Variants in HTRA1 observed in about 807,000 individuals in gnomAD.
HTRA1 encodes serine protease HTRA1.
A neutral mutation model predicts 49.7 loss-of-function variants in HTRA1; 26 were observed. The observed-to-expected ratio is 0.52, with a 90% CI of 0.38 to 0.73. HTRA1 has a LOEUF of 0.73. Among genes scored for constraint, HTRA1 ranks in the 30% least tolerant of loss-of-function variants. The pLI is 0.00. For missense variants in HTRA1, 561 were observed against 667.2 expected (o/e 0.84, Z 1.75); for synonymous variants, 291 against 286.9 (o/e 1.01, Z -0.14).
chr10:122,513,878 C>T (rs1226134842), intron 8 of HTRA1, among the ~76,000 whole-genome samples: 1 of 148,882 alleles, frequency 6.7e-6, no homozygotes, highest in Non-Finnish European at 1.5e-5. Context: ...CAGGTGCCCA[C>T]CACCAAACCT....
At chr10:122,511,852 C>T (rs1472165169) in intron 7 of HTRA1, 118 bp from the exon 8 acceptor site, 1 of 729,744 alleles carries the variant, frequency 1.4e-6, no homozygotes, top group Non-Finnish European at 2.5e-6. Context: ...GATCAGAATT[C>T]CTGGAGGAAT....
intron 3 of HTRA1, among the ~76,000 whole-genome samples, chr10:122,500,331 G>C (rs887134801): frequency 6.6e-6 from 1 of 152,218 alleles, no homozygotes; most frequent in African/African-American, 2.4e-5. Flanking sequence ...CCTGTTGCCT[G>C]TTTGGATCTT....
At chr10:122,475,374 C>T (rs896578894) in intron 1 of HTRA1, among the ~76,000 whole-genome samples, 1 of 152,178 alleles carries the variant, frequency 6.6e-6, no homozygotes, top group Non-Finnish European at 1.5e-5. Context: ...CAAGTCGAGG[C>T]CAGGCTCCCG....
chr10:122,484,302 G>A (rs1027825505), intron 1 of HTRA1, among the ~76,000 whole-genome samples: 2 of 152,212 alleles, frequency 1.3e-5, no homozygotes, highest in African/African-American at 4.8e-5. Context: ...CTGCAGTTCA[G>A]GCTAGGTTAT....
In HTRA1 at chr10:122,514,396, G is replaced by A. The variant is rs1485685980; in HGVS notation, c.*37G>A. On this transcript the variant is annotated 3_prime_UTR_variant, in exon 9 of 9. Coordinates refer to ENST00000368984, the MANE Select transcript of HTRA1 (RefSeq NM_002775.5). ...AGCTGGACTTCATGTTTCCCTCAAA[G>A]ACTCTCCCGTGGATGACGGATGAGG... The A allele has an allele frequency of 1.1e-5, 18 of 1,604,668 alleles. No individual in the cohort carries two copies. The highest frequency in any genetic ancestry group is 1.5e-5 in the Non-Finnish European group (18 of 1,171,794).
chr10:122,480,009 A>G (rs1000134846), intron 1 of HTRA1, among the ~76,000 whole-genome samples: 3 of 152,096 alleles, frequency 2.0e-5, no homozygotes, highest in Non-Finnish European at 4.4e-5. Context: ...GGGAGACGGA[A>G]ACGCAGGTGA....
At chr10:122,508,932 A>G (rs1196916607) in intron 6 of HTRA1, among the ~76,000 whole-genome samples, 162 bp downstream of exon 6, 1 of 152,224 alleles carries the variant, frequency 6.6e-6, no homozygotes, top group African/African-American at 2.4e-5. Context: ...CCCTCGCAGA[A>G]GGTCACAGAC....
chr10:122,467,407 A>G (rs974058588), intron 1 of HTRA1, among the ~76,000 whole-genome samples: 1 of 152,088 alleles, frequency 6.6e-6, no homozygotes, highest in African/African-American at 2.4e-5. Context: ...CCTTTTAACT[A>G]GAATGGTCTG....
At position 122,489,324 on chromosome 10, in the gene HTRA1, C is replaced by T; in HGVS notation, c.573-98C>T. ...AGCCCGATATATAAAGGAGCGATGGCTAGGTGTGTGTGGCTGTTGCACAAC... is the reference window on the plus strand; with the variant it reads ...AGCCCGATATATAAAGGAGCGATGGTTAGGTGTGTGTGGCTGTTGCACAAC... On this transcript the variant is annotated intron_variant, in intron 2 of 8. Transcript: ENST00000368984. 5 of 1,133,934 alleles carry T rather than the reference C, an allele frequency of 4.4e-6. No homozygotes were observed. In the South Asian group the frequency reaches 6.2e-5, roughly 14 times the overall value. 70.2% of individuals were successfully genotyped at this position (1,133,934 alleles called of 1,614,324 possible). A position where few individuals can be genotyped will look rare whatever the true frequency, so the allele number is the denominator to read the frequency against.
At chr10:122,470,091 TG>T (rs1396546005) in intron 1 of HTRA1, among the ~76,000 whole-genome samples, 41 of 152,228 alleles carry the variant, frequency 2.7e-4, no homozygotes, top group African/African-American at 9.9e-4. Flanking sequence ...TTAGGTCTAG[TG>T]GATTGATAGT....
At position 122,464,776 on chromosome 10, in the gene HTRA1, G is replaced by T. The variant is rs2097483146; in HGVS notation, c.472+2652G>T. ...GGTGCCCACGGGCAGGTCACTTGAC[G>T]TCACTGTTAAATGAGGTGAATTGGC... is the stretch of plus-strand genomic sequence containing the variant. On this transcript the variant is annotated intron_variant, in intron 1 of 8. Transcript: ENST00000368984. The surrounding 1 kb of genome is among the most constrained non-coding windows in gnomAD (Gnocchi z 4.8). 1.3e-5 allele frequency among the ~76,000 whole-genome samples: 2 copies of T among 152,186 alleles called. No individual in the cohort carries two copies. Among genetic ancestry groups the T allele is most frequent in the South Asian group, 4.1e-4 (2 of 4,834 alleles).
chr10:122,475,627 G>C (rs938041740), intron 1 of HTRA1, among the ~76,000 whole-genome samples: 1 of 152,234 alleles, frequency 6.6e-6, no homozygotes, highest in African/African-American at 2.4e-5. Flanking sequence ...CCCTGATGGT[G>C]CATAGGGTTT....
At position 122,461,750 on chromosome 10, in the gene HTRA1, T is replaced by G; in HGVS notation, c.98T>G (p.Leu33Trp). 1 of 1,127,246 alleles carries G rather than the reference T, an allele frequency of 8.9e-7. No individual in the cohort carries two copies. Among genetic ancestry groups the G allele is most frequent in the East Asian group, 6.0e-5 (1 of 16,724 alleles). The allele number at this position is 1,127,246 out of a possible 1,614,324, so 69.8% of individuals were successfully genotyped here. Residue 33 changes from leucine to tryptophan, a missense_variant, in exon 1 of 9, where the codon TTG becomes TGG. By Grantham distance (61) the Leu-to-Trp change is moderately conservative (BLOSUM62 -2). Transcript: ENST00000368984. ...QLSRAGRSAP[L>W]AAGCPDRCEP... is the part of the protein sequence containing the mutation. ...TCCCGGGCCGGCCGCTCGGCGCCTT[T>G]GGCCGCCGGGTGCCCAGACCGCTGC...
Position 122,508,469 on chromosome 10 carries a change from C to T in HTRA1, c.1006-187C>T, listed in dbSNP as rs551841296. ...AGTATGTGCGATTCTTCCACAGCTGCGCGTGGCTCGCGCTGCCTGGGTGTC... is the reference window on the plus strand; with the variant it reads ...AGTATGTGCGATTCTTCCACAGCTGTGCGTGGCTCGCGCTGCCTGGGTGTC... On this transcript the variant is annotated intron_variant, in intron 5 of 8. Coordinates refer to ENST00000368984, the MANE Select transcript of HTRA1 (RefSeq NM_002775.5). 5.2e-5 allele frequency among the ~76,000 whole-genome samples: 8 copies of T among 152,394 alleles called. No homozygotes were observed. The East Asian group carries it at 1.5e-3, about 29-fold the overall frequency.
chr10:122,463,205 G>C (rs1237354004), intron 1 of HTRA1, among the ~76,000 whole-genome samples: 1 of 152,254 alleles, frequency 6.6e-6, no homozygotes. Flanking sequence ...TTACTTTATA[G>C]GAATATGGTT....
At chr10:122,513,170 G>A (rs2097506399) in intron 8 of HTRA1, among the ~76,000 whole-genome samples, 1 of 152,132 alleles carries the variant, frequency 6.6e-6, no homozygotes, top group Non-Finnish European at 1.5e-5. Flanking sequence ...CCTTGTGCTA[G>A]CCCATGAAGG....
chr10:122,486,384 G>C (rs2097493089), intron 1 of HTRA1, among the ~76,000 whole-genome samples: 2 of 152,156 alleles, frequency 1.3e-5, no homozygotes, highest in South Asian at 4.1e-4. Flanking sequence ...CCAAGTAGTT[G>C]CAGATCTTTT....
chr10:122,462,083 G>A lies in HTRA1; in HGVS notation c.431G>A (p.Arg144Gln), dbSNP rs1368951427. 6.5e-7 allele frequency: 1 copy of A among 1,535,114 alleles called. No homozygotes were observed. The highest frequency in any genetic ancestry group is 8.7e-7 in the Non-Finnish European group (1 of 1,147,112). Residue 144 changes from arginine (R) to glutamine (Q), a missense_variant, in exon 1 of 9, where the codon CGG (arginine) becomes CAG (glutamine). Coordinates refer to ENST00000368984, the MANE Select transcript of HTRA1 (RefSeq NM_002775.5). ...AGCCGCCGCTCCGAGAGGCTGCACC[G>A]GCCGCCGGTCATCGTCCTGCAGCGC... ...AASRRSERLH[R>Q]PPVIVLQRGA...
chr10:122,479,973 G>A (rs1332384398), intron 1 of HTRA1, among the ~76,000 whole-genome samples: 1 of 152,152 alleles, frequency 6.6e-6, no homozygotes, highest in East Asian at 1.9e-4. Flanking sequence ...GGAGGGACGT[G>A]GGGACCCAGC....
Sources: allele counts gnomAD v4.1 joint callset (sites outside exome capture counted in the v4.1 genomes callset), GRCh38; gene constraint gnomAD v4.1.1; non-coding constraint Gnocchi (gnomAD v3.1); transcripts MANE v1.5; gene names NCBI Gene and HGNC (gene_info 2026-07-23, HGNC 2026-07-21).